Variants in PCCB observed in about 807,000 individuals in gnomAD.
PCCB encodes the protein propionyl-CoA carboxylase beta chain, mitochondrial.
A neutral mutation model predicts 60.7 loss-of-function variants in PCCB; 43 were observed. That is an observed-to-expected ratio of 0.71 (90% CI 0.55 to 0.91). PCCB has a LOEUF of 0.91. Among genes scored for constraint, PCCB ranks in the 40% least tolerant of loss-of-function variants. The pLI is 0.00. For synonymous variants in PCCB, 276 were observed against 255.9 expected (o/e 1.08, Z -0.75); for missense variants, 766 against 702.8 (o/e 1.09, Z -1.02).
chr3:136,293,610 T>G, intron 6 of PCCB, 146 bp from the exon 7 acceptor site: 1 of 720,074 alleles, frequency 1.4e-6, no homozygotes, highest in Admixed American at 2.0e-5. Flanking sequence ...GTCTTTAGTT[T>G]GGAGTCGTAT....
At chr3:136,322,382 T>A (rs1265351669) in intron 10 of PCCB, among the ~76,000 whole-genome samples, 1 of 152,234 alleles carries the variant, frequency 6.6e-6, no homozygotes, top group Non-Finnish European at 1.5e-5. Flanking sequence ...TTGAGGATTT[T>A]TTCATATATG....
At position 136,283,859 on chromosome 3, in the gene PCCB, TCATC is replaced by T. The variant is rs1229811892; in HGVS notation, c.568_571del (p.Ile190LeufsTer5). The T allele has an allele frequency of 6.2e-7, 1 of 1,613,366 alleles. No individual in the cohort carries two copies. The highest frequency in any genetic ancestry group is 1.7e-5 in the Admixed American group (1 of 60,008). ...CAGAGGAATGTTACGGCATCCGGAG[TCATC>T]CCTCAGATTTCTCTGATCATGGGCC... On this transcript the variant is annotated frameshift_variant, in exon 6 of 15. Transcript: ENST00000251654. LOFTEE classifies it high-confidence loss of function.
intron 10 of PCCB, among the ~76,000 whole-genome samples, chr3:136,325,670 T>C (rs1935281121): frequency 1.3e-5 from 2 of 152,262 alleles, no homozygotes; most frequent in South Asian, 4.1e-4. Context: ...TTTTTATTCA[T>C]GAATGGATAT....
At chr3:136,262,755 C>A (rs967431736) in intron 5 of PCCB, among the ~76,000 whole-genome samples, 1 of 152,134 alleles carries the variant, frequency 6.6e-6, no homozygotes, top group African/African-American at 2.4e-5. Flanking sequence ...TTTAATCAGG[C>A]CAGCCACTCT....
At chr3:136,276,123 G>A (rs900243487) in intron 5 of PCCB, among the ~76,000 whole-genome samples, 12 of 152,112 alleles carry the variant, frequency 7.9e-5, no homozygotes, top group African/African-American at 2.7e-4. Context: ...GTCTCCTATG[G>A]GGTTGAGATG....
chr3:136,282,011 T>C (rs1576325218), intron 5 of PCCB, among the ~76,000 whole-genome samples: 1 of 152,096 alleles, frequency 6.6e-6, no homozygotes, highest in South Asian at 2.1e-4. Flanking sequence ...CCAATCAGGG[T>C]TGAAACAATG....
chr3:136,295,132 T>A (rs1219656400), intron 7 of PCCB, among the ~76,000 whole-genome samples: 1 of 152,222 alleles, frequency 6.6e-6, no homozygotes, highest in Non-Finnish European at 1.5e-5. Context: ...TGTGAATGGA[T>A]TACCTACCAC....
At chr3:136,269,666 A>G (rs1398743237) in intron 5 of PCCB, among the ~76,000 whole-genome samples, 1 of 152,010 alleles carries the variant, frequency 6.6e-6, no homozygotes, top group Non-Finnish European at 1.5e-5. Flanking sequence ...TGGGCATATC[A>G]CGAGGTCAGG....
At chr3:136,325,203 C>G (rs1240164366) in intron 10 of PCCB, among the ~76,000 whole-genome samples, 1 of 151,074 alleles carries the variant, frequency 6.6e-6, no homozygotes, top group Non-Finnish European at 1.5e-5. Context: ...TTTTTTTGTT[C>G]TTTTAGAGAC....
intron 10 of PCCB, among the ~76,000 whole-genome samples, chr3:136,322,097 G>A (rs1935129958): frequency 6.6e-6 from 1 of 152,158 alleles, no homozygotes; most frequent in African/African-American, 2.4e-5. Flanking sequence ...GTTAGTTGTA[G>A]GTTTTTCATA....
At chr3:136,278,554 A>G (rs1233486174) in intron 5 of PCCB, among the ~76,000 whole-genome samples, 4 of 151,954 alleles carry the variant, frequency 2.6e-5, no homozygotes, top group Non-Finnish European at 2.9e-5. Flanking sequence ...TCTTTTGCCT[A>G]TTGCTTATTT....
Position 136,298,049 on chromosome 3 carries a change from C to T in PCCB, c.861C>T (p.Pro287=), listed in dbSNP as rs779786032. The change falls in exon 8 of 15, where the codon CCC becomes CCT. Residue 287 remains proline (P), a synonymous_variant. Transcript: ENST00000251654. ...CCCTGAGCAGTCAGGACCCGGCTCC[C>T]GTCCGTGAGTGCCACGATCCCAGGT... ...YLPLSSQDPA[P]VRECHDPSDR... is the part of the protein sequence containing the mutation. 1.3e-5 allele frequency: 21 copies of T among 1,614,010 alleles called. No individual in the cohort carries two copies. Among genetic ancestry groups the T allele is most frequent in the African/African-American group, 6.7e-5 (5 of 74,938 alleles).
In PCCB at chr3:136,250,348, C is replaced by A. The variant is rs756687004; in HGVS notation, c.-28C>A. Reference sequence around the variant, plus strand: ...TTAGCACATGCGTACTCAGGTGCGCCGGTAGGGGACGCGCCGGCACAGCAA... The same window carrying A: ...TTAGCACATGCGTACTCAGGTGCGCAGGTAGGGGACGCGCCGGCACAGCAA... On this transcript the variant is annotated 5_prime_UTR_variant, in exon 1 of 15. Transcript: ENST00000251654. 6.7e-7 allele frequency: 1 copy of A among 1,487,658 alleles called. No homozygotes were observed. The highest frequency in any genetic ancestry group is 1.3e-5 in the South Asian group (1 of 74,234). The allele number at this position is 1,487,658 out of a possible 1,614,324, so 92.2% of individuals were successfully genotyped here.
At chr3:136,307,359 A>G (rs1171992092) in intron 9 of PCCB, among the ~76,000 whole-genome samples, 1 of 152,058 alleles carries the variant, frequency 6.6e-6, no homozygotes, top group African/African-American at 2.4e-5. Context: ...AGAACAATGT[A>G]TAAGTACTAT....
chr3:136,285,966 A>G (rs561967799), intron 6 of PCCB, among the ~76,000 whole-genome samples: 74 of 152,216 alleles, frequency 4.9e-4, no homozygotes, highest in Non-Finnish European at 9.4e-4. Flanking sequence ...ACACAAGGTA[A>G]TTATAAAGTT....
rs140030168 is a variant in PCCB, at chr3:136,307,688, A to G, written c.966+6577A>G. The stretch of plus-strand genomic sequence containing the variant: ...ATACATAGTAATTATAAAAAATAAT[A>G]TGACAGGCCAGGCGTGGTGGCTCAT... On this transcript the variant is annotated intron_variant, in intron 9 of 14. Coordinates refer to ENST00000251654, the MANE Select transcript of PCCB (RefSeq NM_000532.5). Among the ~76,000 whole-genome samples, 84 of 152,274 alleles carry G rather than the reference A, an allele frequency of 5.5e-4. 5 individuals carry two copies. The East Asian group carries it at 0.016, about 29-fold the overall frequency.
chr3:136,282,591 C>T (rs1190217970), intron 5 of PCCB, among the ~76,000 whole-genome samples: 4 of 152,142 alleles, frequency 2.6e-5, no homozygotes, highest in Admixed American at 6.5e-5. Flanking sequence ...TCCATTTTCT[C>T]CCCCTTCATT....
intron 2 of PCCB, 183 bp from the exon 3 acceptor site, chr3:136,256,372 A>G: frequency 1.5e-6 from 1 of 646,122 alleles, no homozygotes; most frequent in Non-Finnish European, 2.8e-6. Context: ...TTGATGAAGT[A>G]GTAGCCCTGT....
intron 9 of PCCB, among the ~76,000 whole-genome samples, chr3:136,310,512 ACT>A (rs1427255310): frequency 6.6e-6 from 1 of 152,134 alleles, no homozygotes; most frequent in African/African-American, 2.4e-5. Context: ...ACAGAGCAAG[ACT>A]CTGTCTCAAA....
Sources: allele counts gnomAD v4.1 joint callset (sites outside exome capture counted in the v4.1 genomes callset), GRCh38; gene constraint gnomAD v4.1.1; transcripts MANE v1.5; gene names NCBI Gene and HGNC (gene_info 2026-07-23, HGNC 2026-07-21).